Variants in ATP8A1 observed in about 807,000 individuals in gnomAD.
ATP8A1 encodes ATPase phospholipid transporting 8A1.
In ATP8A1, 90 loss-of-function variants were observed where a neutral mutation model predicts 177.7. The ratio of observed to expected loss-of-function variants is 0.51; its 90% CI spans 0.43 to 0.60. The LOEUF (loss-of-function observed/expected upper bound fraction) is 0.60, where lower values mean the gene tolerates loss of function less well. Ranked by LOEUF, ATP8A1 falls within the 20% of genes least tolerant of loss-of-function variation. The probability of loss-of-function intolerance (pLI) is 0.00; values close to 1 mark genes in which losing one functional copy is unlikely to be tolerated. For missense variants in ATP8A1, 1,072 were observed against 1,392.8 expected, an observed-to-expected ratio of 0.77 and a Z score of 3.67; for synonymous variants, 493 against 485.9, an observed-to-expected ratio of 1.01 and a Z score of -0.19.
At chr4:42,420,625 A>G (rs1311162844) in intron 35 of ATP8A1, among the ~76,000 whole-genome samples, 1 of 152,240 alleles carries the variant, frequency 6.6e-6, no homozygotes, top group South Asian at 2.1e-4. Flanking sequence ...CAAACTAAGT[A>G]TCACGTGGAA....
At position 42,414,657 on chromosome 4, in the gene ATP8A1, G is replaced by A. The variant is rs778412248; in HGVS notation, c.3367C>T (p.Arg1123Cys). 1.2e-5 allele frequency: 19 copies of A among 1,613,818 alleles called. No individual in the cohort carries two copies. Among genetic ancestry groups the A allele is most frequent in the East Asian group, 2.2e-5 (1 of 44,882 alleles). ...VFKKNHVNLY[R>C]SESLQQNLLH... is the part of the protein sequence containing the mutation. Reference sequence around the variant, plus strand: ...AGATTTTGTTGCAAGGATTCAGAGCGGTACAAGTTCACGTGGTTCTTCTTA... The same window carrying A: ...AGATTTTGTTGCAAGGATTCAGAGCAGTACAAGTTCACGTGGTTCTTCTTA... Residue 1123 changes from arginine (R) to cysteine (C), a missense_variant, in exon 36 of 37, where the codon CGC becomes TGC. Physicochemically the swap from Arg to Cys is radical, Grantham distance 180 (BLOSUM62 -3). This residue lies in a region of ATP8A1 where 316 missense variants were observed against 459.1 expected (regional missense o/e 0.69). Coordinates refer to ENST00000381668, the MANE Select transcript of ATP8A1 (RefSeq NM_006095.2).
intron 24 of ATP8A1, among the ~76,000 whole-genome samples, chr4:42,497,214 C>G (rs1287727588): frequency 6.6e-6 from 1 of 152,192 alleles, no homozygotes; most frequent in Non-Finnish European, 1.5e-5. Flanking sequence ...ACTTGCTAGA[C>G]ATGGGAACTC....
intron 1 of ATP8A1, among the ~76,000 whole-genome samples, chr4:42,648,182 T>C (rs1268074083): frequency 6.6e-6 from 1 of 152,162 alleles, no homozygotes; most frequent in East Asian, 1.9e-4. Context: ...TTTAACTTGA[T>C]TCAATGATGT....
At position 42,656,805 on chromosome 4, in the gene ATP8A1, G is replaced by C. The variant is rs754686752; in HGVS notation, c.49+20C>G. The C allele has an allele frequency of 5.9e-5, 91 of 1,553,420 alleles. No homozygotes were observed. In the East Asian group the frequency reaches 1.8e-3, roughly 31 times the overall value. ...CGCTTCCCGACCCCGGGCTAGCCCC[G>C]AGCCTCGGCGGCCCCTTACCTTCGG... is the stretch of plus-strand genomic sequence containing the variant. On this transcript the variant is annotated intron_variant, in intron 1 of 36. Coordinates refer to ENST00000381668, the MANE Select transcript of ATP8A1 (RefSeq NM_006095.2).
intron 1 of ATP8A1, among the ~76,000 whole-genome samples, chr4:42,636,882 A>G (rs961680109): frequency 2.0e-5 from 3 of 152,212 alleles, no homozygotes; most frequent in Non-Finnish European, 4.4e-5. Context: ...CTGAACACAG[A>G]CAGGAATGAA....
intron 5 of ATP8A1, among the ~76,000 whole-genome samples, chr4:42,607,688 T>C (rs921156066): frequency 1.3e-5 from 2 of 151,888 alleles, no homozygotes; most frequent in African/African-American, 2.4e-5. Context: ...AACCTCACAT[T>C]ACACAGCCAA....
At chr4:42,496,542 C>T (rs1319014212) in intron 24 of ATP8A1, among the ~76,000 whole-genome samples, 1 of 152,072 alleles carries the variant, frequency 6.6e-6, no homozygotes, top group Non-Finnish European at 1.5e-5. Flanking sequence ...AAGCAAATTA[C>T]AAATCAACAG....
chr4:42,495,620 TTTTTTTGATGTAG>T (rs1426587796), intron 24 of ATP8A1, among the ~76,000 whole-genome samples: 2 of 149,520 alleles, frequency 1.3e-5, no homozygotes, highest in Non-Finnish European at 3.0e-5. Flanking sequence ...ATTGGTTTTT[TTTTTTTGATGTAG>T]TTTTTGATCA....
Position 42,525,922 on chromosome 4 carries a change from G to GA in ATP8A1, c.1723-1076dup, listed in dbSNP as rs571992121. Among the ~76,000 whole-genome samples the GA allele has an allele frequency of 1.4e-3, 207 of 152,244 alleles. 1 individual carries two copies. The highest frequency in any genetic ancestry group is 4.7e-3 in the African/African-American group (197 of 41,558). On this transcript the variant is annotated intron_variant, in intron 20 of 36. Coordinates refer to ENST00000381668, the MANE Select transcript of ATP8A1 (RefSeq NM_006095.2). Reference sequence around the variant, plus strand: ...AATTTCTTTTCATTTTTCAGTGATGGAATGGGAAGTGGGGGGCAAAGCGAA... The same window carrying GA: ...AATTTCTTTTCATTTTTCAGTGATGGAAATGGGAAGTGGGGGGCAAAGCGAA...
intron 24 of ATP8A1, among the ~76,000 whole-genome samples, chr4:42,492,573 G>C (rs1198392095): frequency 6.6e-6 from 1 of 152,190 alleles, no homozygotes; most frequent in Non-Finnish European, 1.5e-5. Context: ...TATGAACCAG[G>C]AAGAAGGCTC....
At chr4:42,440,074 C>T (rs539872506) in intron 33 of ATP8A1, among the ~76,000 whole-genome samples, 209 of 152,324 alleles carry the variant, frequency 1.4e-3, no homozygotes, top group African/African-American at 4.9e-3. Context: ...TCCTGATGTT[C>T]ATGGCAAACA....
intron 5 of ATP8A1, among the ~76,000 whole-genome samples, chr4:42,610,864 T>A (rs1270924162): frequency 6.6e-6 from 1 of 152,146 alleles, no homozygotes; most frequent in Non-Finnish European, 1.5e-5. Flanking sequence ...CGTGGCAGAA[T>A]ATATGTTCAG....
Position 42,455,613 on chromosome 4 carries a change from C to A in ATP8A1, c.2620-14G>T. 1 of 1,607,616 alleles carries A rather than the reference C, an allele frequency of 6.2e-7. No homozygotes were observed. Among genetic ancestry groups the A allele is most frequent in the Non-Finnish European group, 8.5e-7 (1 of 1,177,444 alleles). ...GGCAAACCAGATCTAGGAAAAAAAA[C>A]CCAAAACCCCCAAATTAGAATACAA... On this transcript the variant is annotated splice_polypyrimidine_tract_variant and intron_variant, in intron 27 of 36. Coordinates refer to ENST00000381668, the MANE Select transcript of ATP8A1 (RefSeq NM_006095.2).
intron 32 of ATP8A1, 81 bp downstream of exon 32, chr4:42,444,497 A>T: frequency 7.5e-7 from 1 of 1,341,924 alleles, no homozygotes; most frequent in East Asian, 2.3e-5. Flanking sequence ...ATATCAAGTT[A>T]GAGTGAAGAC....
In ATP8A1 at chr4:42,499,916, G is replaced by A. The variant is rs150121512; in HGVS notation, c.2151+3534C>T. 2.3e-3 allele frequency among the ~76,000 whole-genome samples: 353 copies of A among 152,224 alleles called. 2 individuals carry two copies. The highest frequency in any genetic ancestry group is 0.016 in the Admixed American group (244 of 15,300). On this transcript the variant is annotated intron_variant, in intron 24 of 36. Transcript: ENST00000381668. ...TTTAAAAAATTAAAACAAACTAAAC[G>A]ATATAAAAGAGATGCAAAAGTATCA...
intron 25 of ATP8A1, among the ~76,000 whole-genome samples, chr4:42,479,734 T>C (rs760587969): frequency 4.6e-5 from 7 of 152,174 alleles, no homozygotes; most frequent in Non-Finnish European, 1.0e-4. Flanking sequence ...GTGGAAGGTA[T>C]ATATGTTTAT....
intron 30 of ATP8A1, among the ~76,000 whole-genome samples, chr4:42,451,036 A>G (rs985528996): frequency 2.0e-5 from 3 of 152,258 alleles, no homozygotes; most frequent in African/African-American, 7.2e-5. Flanking sequence ...GCCAATTCGA[A>G]TATCTGTGAA....
chr4:42,539,973 T>G (rs956423667), intron 20 of ATP8A1, among the ~76,000 whole-genome samples: 1 of 151,946 alleles, frequency 6.6e-6, no homozygotes, highest in Non-Finnish European at 1.5e-5. Flanking sequence ...CTAAAAAGCA[T>G]AGCAAAAGAA....
Position 42,551,337 on chromosome 4 carries a change from C to A in ATP8A1, c.1520-57G>T, listed in dbSNP as rs1434948446. 4.0e-6 allele frequency: 5 copies of A among 1,256,934 alleles called. No homozygotes were observed. In the African/African-American group the frequency reaches 7.4e-5, roughly 19 times the overall value. 77.9% of individuals were successfully genotyped at this position (1,256,934 alleles called of 1,614,324 possible). A position where few individuals can be genotyped will look rare whatever the true frequency, so the allele number is the denominator to read the frequency against. ...ATGATTGAAAAAAAAATATTCTCAGCACAAGAGAAGTACATTAAGGTAATA... is the reference window on the plus strand; with the variant it reads ...ATGATTGAAAAAAAAATATTCTCAGAACAAGAGAAGTACATTAAGGTAATA... On this transcript the variant is annotated intron_variant, in intron 17 of 36. Coordinates refer to ENST00000381668, the MANE Select transcript of ATP8A1 (RefSeq NM_006095.2).
Sources: allele counts gnomAD v4.1 joint callset (sites outside exome capture counted in the v4.1 genomes callset), GRCh38; gene constraint gnomAD v4.1.1; regional missense constraint gnomAD v4.1.1; transcripts MANE v1.5; gene names NCBI Gene and HGNC (gene_info 2026-07-23, HGNC 2026-07-21).